CAMK2D: variants seen among roughly 807,000 people sequenced by gnomAD.
The protein encoded by CAMK2D is calcium/calmodulin-dependent protein kinase type II subunit delta.
In CAMK2D, 37 loss-of-function variants were observed where a neutral mutation model predicts 84.0. That is an observed-to-expected ratio of 0.44 (90% CI 0.34 to 0.58). The LOEUF (loss-of-function observed/expected upper bound fraction) is 0.58. Ranked by LOEUF, CAMK2D falls within the 20% of genes least tolerant of loss-of-function variation. The pLI is 0.02. For missense variants in CAMK2D, 448 were observed against 652.5 expected (o/e 0.69, Z 3.41); for synonymous variants, 202 against 212.5 (o/e 0.95, Z 0.43).
intron 3 of CAMK2D, among the ~76,000 whole-genome samples, chr4:113,657,439 T>C (rs1197316705): frequency 6.6e-6 from 1 of 152,038 alleles, no homozygotes; most frequent in Admixed American, 6.6e-5. Flanking sequence ...ACTCAAGAAA[T>C]TTTGTTGGGT....
chr4:113,510,652 A>T (rs1168158793), intron 12 of CAMK2D, among the ~76,000 whole-genome samples: 1 of 152,018 alleles, frequency 6.6e-6, no homozygotes, highest in Non-Finnish European at 1.5e-5. Flanking sequence ...ATACACACTT[A>T]TGCTTTCATT....
chr4:113,745,190 T>A (rs533756494), intron 2 of CAMK2D, among the ~76,000 whole-genome samples: 1 of 152,348 alleles, frequency 6.6e-6, no homozygotes, highest in Non-Finnish European at 1.5e-5. Context: ...TACCTTTACG[T>A]GTTTTTAACC....
intron 4 of CAMK2D, among the ~76,000 whole-genome samples, chr4:113,590,718 T>C (rs893859807): frequency 1.4e-5 from 2 of 147,700 alleles, no homozygotes; most frequent in South Asian, 4.4e-4. Context: ...AAAAATCTAA[T>C]TAATATTTCT....
intron 2 of CAMK2D, among the ~76,000 whole-genome samples, chr4:113,735,222 C>A (rs1189564598): frequency 7.7e-6 from 1 of 129,936 alleles, no homozygotes; most frequent in Non-Finnish European, 1.6e-5. Context: ...GAGGCCAAGG[C>A]GGGTGGATCA....
At chr4:113,472,339 T>C (rs192829465) in intron 16 of CAMK2D, among the ~76,000 whole-genome samples, 3 of 152,290 alleles carry the variant, frequency 2.0e-5, no homozygotes, top group East Asian at 1.9e-4. Context: ...TGATAGCAGT[T>C]TGGATGTGGC....
At chr4:113,590,213 T>C (rs1238003726) in intron 4 of CAMK2D, among the ~76,000 whole-genome samples, 2 of 152,204 alleles carry the variant, frequency 1.3e-5, no homozygotes, top group Non-Finnish European at 2.9e-5. Flanking sequence ...TTGAGCATTT[T>C]CTAGTTCCAG....
intron 7 of CAMK2D, among the ~76,000 whole-genome samples, chr4:113,537,062 T>C (rs1221250120): frequency 6.6e-6 from 1 of 152,232 alleles, no homozygotes; most frequent in Non-Finnish European, 1.5e-5. Flanking sequence ...ATCCTCTAAT[T>C]AATGCTTACT....
Position 113,547,695 on chromosome 4 carries a change from C to T in CAMK2D, c.363G>A (p.Leu121=), listed in dbSNP as rs753668300. The change falls in exon 6 of 21, where the codon CTG becomes CTA. Residue 121 remains leucine (L), a synonymous_variant. Coordinates refer to ENST00000511664, the MANE Select transcript of CAMK2D (RefSeq NM_001321571.2). ...ADASHCIQQI[L]EAVLHCHQMG... ...TCTGATGGCAGTGTAGCACAGCCTC[C>T]AGGATCTGCTGAATGCAATGACTGC... 5.8e-6 allele frequency: 9 copies of T among 1,563,038 alleles called. No individual in the cohort carries two copies. The highest frequency in any genetic ancestry group is 7.8e-6 in the Non-Finnish European group (9 of 1,161,190).
chr4:113,462,860 A>AT (rs1370260938), intron 17 of CAMK2D, among the ~76,000 whole-genome samples: 3 of 151,974 alleles, frequency 2.0e-5, no homozygotes, highest in East Asian at 3.9e-4. Flanking sequence ...AAAAAAAAAG[A>AT]TTTTTTAAAA....
At chr4:113,523,206 T>G (rs943685509) in intron 8 of CAMK2D, among the ~76,000 whole-genome samples, 1 of 152,190 alleles carries the variant, frequency 6.6e-6, no homozygotes, top group South Asian at 2.1e-4. Flanking sequence ...GACTTTGTTA[T>G]AGCAGCCTGA....
chr4:113,540,882 T>A (rs1354413252), intron 6 of CAMK2D, among the ~76,000 whole-genome samples: 1 of 152,196 alleles, frequency 6.6e-6, no homozygotes, highest in African/African-American at 2.4e-5. Context: ...ATGCAATCCC[T>A]TTCTAGGTTG....
intron 2 of CAMK2D, among the ~76,000 whole-genome samples, chr4:113,734,264 CT>C (rs1352069684): frequency 1.3e-5 from 2 of 152,104 alleles, no homozygotes; most frequent in Non-Finnish European, 2.9e-5. Context: ...TTTCAACTTA[CT>C]TTTTTTCTCC....
chr4:113,508,678 T>G (rs1473671784), intron 13 of CAMK2D, among the ~76,000 whole-genome samples: 1 of 152,184 alleles, frequency 6.6e-6, no homozygotes, highest in Admixed American at 6.5e-5. Context: ...AAATCACAAA[T>G]GCACAGTCAT....
intron 2 of CAMK2D, among the ~76,000 whole-genome samples, chr4:113,730,372 A>G (rs562974604): frequency 1.3e-5 from 2 of 152,340 alleles, no homozygotes; most frequent in African/African-American, 4.8e-5. Context: ...TAGTAAGGCT[A>G]GAAAGTCTCC....
chr4:113,737,232 T>C (rs2099583299), intron 2 of CAMK2D, among the ~76,000 whole-genome samples: 2 of 152,184 alleles, frequency 1.3e-5, no homozygotes, highest in Admixed American at 6.5e-5. Flanking sequence ...TGCCAAAAGA[T>C]AGAAGCAACC....
chr4:113,596,155 T>G (rs1037198909), intron 4 of CAMK2D, among the ~76,000 whole-genome samples: 1 of 152,224 alleles, frequency 6.6e-6, no homozygotes, highest in Non-Finnish European at 1.5e-5. Context: ...CTTTATTTGC[T>G]CATTCATAAG....
chr4:113,645,509 T>C (rs993673663), intron 3 of CAMK2D, among the ~76,000 whole-genome samples: 8 of 152,224 alleles, frequency 5.3e-5, no homozygotes, highest in Non-Finnish European at 8.8e-5. Context: ...ACAGAAAAGT[T>C]TGTCAATCCT....
At chr4:113,760,191 T>G (rs1156920817) in intron 1 of CAMK2D, among the ~76,000 whole-genome samples, 1 of 152,164 alleles carries the variant, frequency 6.6e-6, no homozygotes, top group Non-Finnish European at 1.5e-5. Context: ...GCATAAGTCC[T>G]CAGTAGGTCT....
At chr4:113,731,484 A>G (rs1432561112) in intron 2 of CAMK2D, among the ~76,000 whole-genome samples, 1 of 152,212 alleles carries the variant, frequency 6.6e-6, no homozygotes, top group Non-Finnish European at 1.5e-5. Context: ...CATAAGCACT[A>G]TATAACATTA....
Sources: gnomAD v4.1 joint callset for allele counts (sites outside exome capture counted in the v4.1 genomes callset) on GRCh38, gnomAD v4.1.1 for gene constraint, MANE v1.5 for transcripts, NCBI Gene and HGNC (gene_info 2026-07-23, HGNC 2026-07-21) for gene names.